Variants in PDE3A observed in about 807,000 individuals in gnomAD.
The protein encoded by PDE3A is cGMP-inhibited 3',5'-cyclic phosphodiesterase 3A.
Under a neutral mutation model 98.3 loss-of-function variants are expected in PDE3A, and 43 were observed. The observed-to-expected ratio is 0.44, with a 90% confidence interval of 0.34 to 0.56. PDE3A has a LOEUF of 0.56. Among genes scored for constraint, PDE3A ranks in the 20% least tolerant of loss-of-function variants. The probability of loss-of-function intolerance (pLI) is 0.01; values close to 1 mark genes in which losing one functional copy is unlikely to be tolerated. For missense variants in PDE3A, 1,427 were observed against 1,440.7 expected (o/e 0.99, Z 0.15); for synonymous variants, 663 against 567.9 (o/e 1.17, Z -2.38).
intron 1 of PDE3A, among the ~76,000 whole-genome samples, chr12:20,507,685 CTG>C (rs1946145053): frequency 6.6e-6 from 1 of 152,120 alleles, no homozygotes; most frequent in African/African-American, 2.4e-5. Context: ...TCCGCTTACT[CTG>C]TCAGAAATCC....
chr12:20,481,480 G>T (rs1329613694), intron 1 of PDE3A, among the ~76,000 whole-genome samples: 1 of 151,996 alleles, frequency 6.6e-6, no homozygotes, highest in East Asian at 1.9e-4. Flanking sequence ...TTATTAACTA[G>T]TCCTAGTCAT....
intron 1 of PDE3A, among the ~76,000 whole-genome samples, chr12:20,380,239 A>G (rs1943640001): frequency 6.6e-6 from 1 of 151,884 alleles, no homozygotes; most frequent in South Asian, 2.1e-4. Flanking sequence ...TACAAAACAA[A>G]GTTTGAGATG....
At chr12:20,429,290 A>G (rs1944655390) in intron 1 of PDE3A, among the ~76,000 whole-genome samples, 1 of 152,190 alleles carries the variant, frequency 6.6e-6, no homozygotes, top group Non-Finnish European at 1.5e-5. Context: ...GGTCAGAAAA[A>G]TAGCATACGT....
At chr12:20,528,755 G>A (rs182682868) in intron 1 of PDE3A, among the ~76,000 whole-genome samples, 30 of 151,942 alleles carry the variant, frequency 2.0e-4, no homozygotes, top group African/African-American at 6.8e-4. Context: ...AGACGCTAGG[G>A]GTATAACATC....
chr12:20,471,663 A>T (rs1945442175), intron 1 of PDE3A, among the ~76,000 whole-genome samples: 1 of 152,188 alleles, frequency 6.6e-6, no homozygotes, highest in Non-Finnish European at 1.5e-5. Context: ...GGACTGTAAA[A>T]GTAAGAAAGT....
intron 2 of PDE3A, among the ~76,000 whole-genome samples, chr12:20,590,363 T>A (rs1488992184): frequency 1.4e-5 from 2 of 148,030 alleles, no homozygotes; most frequent in Non-Finnish European, 3.0e-5. Context: ...AGGGGCACAA[T>A]CAGTATCTCG....
intron 1 of PDE3A, among the ~76,000 whole-genome samples, chr12:20,493,865 G>A (rs560787004): frequency 7.9e-5 from 12 of 152,286 alleles, no homozygotes; most frequent in African/African-American, 2.6e-4. Flanking sequence ...CCTGACCTCA[G>A]GTGATCCGCC....
intron 2 of PDE3A, among the ~76,000 whole-genome samples, chr12:20,605,739 T>C (rs552939595): frequency 1.2e-4 from 19 of 152,354 alleles, no homozygotes; most frequent in African/African-American, 4.3e-4. Context: ...GCATTTCTAC[T>C]AGGTTATCTA....
At chr12:20,495,474 A>G (rs1945903394) in intron 1 of PDE3A, among the ~76,000 whole-genome samples, 1 of 152,180 alleles carries the variant, frequency 6.6e-6, no homozygotes, top group Non-Finnish European at 1.5e-5. Context: ...TATTTTACAT[A>G]GAACAATATA....
At chr12:20,657,383 G>A (rs1454067439) in intron 15 of PDE3A, among the ~76,000 whole-genome samples, 1 of 152,102 alleles carries the variant, frequency 6.6e-6, no homozygotes, top group Non-Finnish European at 1.5e-5. Flanking sequence ...TGGCTAAAAT[G>A]GTTACCTTGA....
chr12:20,512,865 T>A (rs1341570035), intron 1 of PDE3A, among the ~76,000 whole-genome samples: 1 of 152,158 alleles, frequency 6.6e-6, no homozygotes, highest in East Asian at 1.9e-4. Flanking sequence ...TATTATTTAT[T>A]ATTATTGTGG....
chr12:20,524,208 C>T (rs1184666676), intron 1 of PDE3A, among the ~76,000 whole-genome samples: 2 of 152,224 alleles, frequency 1.3e-5, no homozygotes, highest in Non-Finnish European at 1.5e-5. Flanking sequence ...ATATTACCCA[C>T]TGTGTTTAGG....
intron 2 of PDE3A, among the ~76,000 whole-genome samples, chr12:20,569,989 G>T (rs1942757093): frequency 6.6e-6 from 1 of 152,110 alleles, no homozygotes; most frequent in Non-Finnish European, 1.5e-5. Flanking sequence ...TTTCAAGAAG[G>T]ATATTGAAAA....
chr12:20,384,682 C>T (rs1368846376), intron 1 of PDE3A, among the ~76,000 whole-genome samples: 1 of 151,780 alleles, frequency 6.6e-6, no homozygotes, highest in East Asian at 1.9e-4. Context: ...CTTTTTTTCA[C>T]CCTGTCGCCC....
chr12:20,580,961 G>A (rs1943047212), intron 2 of PDE3A, among the ~76,000 whole-genome samples: 1 of 152,128 alleles, frequency 6.6e-6, no homozygotes, highest in Non-Finnish European at 1.5e-5. Context: ...AGAATGACAT[G>A]TCCTCCGCCT....
In PDE3A at chr12:20,680,607, G is replaced by A; in HGVS notation, c.*336G>A. On this transcript the variant is annotated 3_prime_UTR_variant, in exon 16 of 16. Coordinates refer to ENST00000359062, the MANE Select transcript of PDE3A (RefSeq NM_000921.5). ...CACATACACACTGAAGGCCACGATT[G>A]CTGGCTCCACAATTTAGTAACATTT... The A allele has an allele frequency of 5.4e-6, 1 of 184,918 alleles. No homozygotes were observed. The highest frequency in any genetic ancestry group is 5.9e-5 in the Admixed American group (1 of 17,034). The allele number at this position is 184,918 out of a possible 1,614,324, so 11.5% of individuals were successfully genotyped here. A position where few individuals can be genotyped will look rare whatever the true frequency, so the allele number is the denominator to read the frequency against.
At chr12:20,532,266 C>T (rs1941623131) in intron 1 of PDE3A, among the ~76,000 whole-genome samples, 1 of 151,930 alleles carries the variant, frequency 6.6e-6, no homozygotes, top group Non-Finnish European at 1.5e-5. Flanking sequence ...GAGTTAGATT[C>T]TAGGCATTTG....
At chr12:20,644,850 T>G (rs74541745) in intron 10 of PDE3A, among the ~76,000 whole-genome samples, 1 of 125,292 alleles carries the variant, frequency 8.0e-6, no homozygotes, top group Non-Finnish European at 1.7e-5. Flanking sequence ...CTCCTCCTCC[T>G]CCCCCTCCTC....
At chr12:20,521,740 A>G (rs1946431821) in intron 1 of PDE3A, among the ~76,000 whole-genome samples, 1 of 152,148 alleles carries the variant, frequency 6.6e-6, no homozygotes, top group Non-Finnish European at 1.5e-5. Flanking sequence ...GGAAGGTACT[A>G]GGTTCAAGAG....
Sources: allele counts gnomAD v4.1 joint callset (sites outside exome capture counted in the v4.1 genomes callset), GRCh38; gene constraint gnomAD v4.1.1; transcripts MANE v1.5; gene names NCBI Gene and HGNC (gene_info 2026-07-23, HGNC 2026-07-21).